Variants in NAV2 observed in about 807,000 individuals in gnomAD.
NAV2 encodes the protein neuron navigator 2.
In NAV2, 54 loss-of-function variants were observed where a neutral mutation model predicts 223.2. That is an observed-to-expected ratio of 0.24 (90% CI 0.19 to 0.30). NAV2 has a LOEUF of 0.30. Among genes scored for constraint, NAV2 ranks in the 10% least tolerant of loss-of-function variants. The probability of loss-of-function intolerance (pLI) is 1.00; values close to 1 mark genes in which losing one functional copy is unlikely to be tolerated. For missense variants in NAV2, 2,806 were observed against 3,147.5 expected (o/e 0.89, Z 2.60); for synonymous variants, 1,279 against 1,239.3 (o/e 1.03, Z -0.67).
intron 1 of NAV2, among the ~76,000 whole-genome samples, chr11:19,707,268 T>C (rs911217467): frequency 6.6e-6 from 1 of 152,268 alleles, no homozygotes; most frequent in Non-Finnish European, 1.5e-5. Context: ...GTAACTTTTT[T>C]ACTTTATAAA....
At chr11:19,592,275 C>T (rs2046082254) in intron 1 of NAV2, among the ~76,000 whole-genome samples, 1 of 152,078 alleles carries the variant, frequency 6.6e-6, no homozygotes, top group Admixed American at 6.5e-5. Context: ...AGCACTCCCA[C>T]CGCTTAATGA....
chr11:19,377,356 G>A (rs1253287118), intron 1 of NAV2, among the ~76,000 whole-genome samples: 1 of 152,136 alleles, frequency 6.6e-6, no homozygotes, highest in African/African-American at 2.4e-5. Context: ...TGCCTGGAAA[G>A]CCTTTGACCA....
chr11:19,446,280 C>T (rs566340801), intron 1 of NAV2, among the ~76,000 whole-genome samples: 1 of 152,232 alleles, frequency 6.6e-6, no homozygotes, highest in South Asian at 2.1e-4. Flanking sequence ...CCTCCCACCA[C>T]CAGAGAATCA....
intron 1 of NAV2, among the ~76,000 whole-genome samples, chr11:19,399,946 C>T (rs150484218): frequency 5.5e-4 from 84 of 152,262 alleles, no homozygotes; most frequent in South Asian, 3.7e-3. Context: ...GAAGTGATGA[C>T]GCTTCAGTTA....
intron 1 of NAV2, among the ~76,000 whole-genome samples, chr11:19,660,175 T>C (rs1834326): frequency 0.87 from 131,847 of 152,094 alleles, 58,210 homozygotes; most frequent in East Asian, 0.95. Flanking sequence ...GGTTCAGTGC[T>C]GCAGAAAATA....
At chr11:19,454,297 C>A (rs1315250124) in intron 1 of NAV2, among the ~76,000 whole-genome samples, 1 of 152,174 alleles carries the variant, frequency 6.6e-6, no homozygotes, top group Non-Finnish European at 1.5e-5. Flanking sequence ...CGCCTGACCT[C>A]ATAGGGTTGG....
chr11:19,674,791 T>C (rs2048670525), intron 1 of NAV2, among the ~76,000 whole-genome samples: 1 of 152,234 alleles, frequency 6.6e-6, no homozygotes. Flanking sequence ...GTTTGACCTC[T>C]GAAATGTACT....
In NAV2 at chr11:20,117,823, G is replaced by A. The variant is rs182434253; in HGVS notation, c.7165-310G>A. ...TATAGAGATCATCATTTTGTTTTCA[G>A]TGCTCTACGTATATTAACTCAATCC... is the stretch of plus-strand genomic sequence containing the variant. On this transcript the variant is annotated intron_variant, in intron 37 of 37. Transcript: ENST00000349880. 5.9e-5 allele frequency among the ~76,000 whole-genome samples: 9 copies of A among 152,308 alleles called. No homozygotes were observed. In the East Asian group the frequency reaches 1.7e-3, roughly 29 times the overall value.
intron 1 of NAV2, among the ~76,000 whole-genome samples, chr11:19,601,194 CT>C (rs1379352200): frequency 5.3e-5 from 8 of 152,218 alleles, no homozygotes; most frequent in Admixed American, 3.9e-4. Flanking sequence ...GAGCTCCTGC[CT>C]GCAAACTTCT....
Position 19,713,279 on chromosome 11 carries a change from G to T in NAV2, c.-417G>T. The T allele has an allele frequency of 2.0e-6, 2 of 1,010,378 alleles. No individual in the cohort carries two copies. The highest frequency in any genetic ancestry group is 1.2e-6 in the Non-Finnish European group (1 of 846,754). The allele number at this position is 1,010,378 out of a possible 1,614,324, so 62.6% of individuals were successfully genotyped here. A position where few individuals can be genotyped will look rare whatever the true frequency, so the allele number is the denominator to read the frequency against. On this transcript the variant is annotated 5_prime_UTR_variant, in exon 1 of 38. Transcript: ENST00000349880. This position sits in a 1 kb window ranked among gnomAD's most constrained non-coding sequence, Gnocchi z 7.2. ...GCCTCCGGAACGGGACTCGTGGGTC[G>T]CCGCCGCCTCTGTCTCTTCCAAAGG... is the stretch of plus-strand genomic sequence containing the variant.
intron 1 of NAV2, among the ~76,000 whole-genome samples, chr11:19,453,605 C>T (rs1006302967): frequency 6.6e-6 from 1 of 152,282 alleles, no homozygotes; most frequent in Non-Finnish European, 1.5e-5. Context: ...TGTGGCCTTG[C>T]CCAAACTGCC....
intron 3 of NAV2, among the ~76,000 whole-genome samples, chr11:19,852,648 A>G (rs2061208388): frequency 6.6e-6 from 1 of 152,252 alleles, no homozygotes; most frequent in Admixed American, 6.5e-5. Flanking sequence ...ATTTAAGCAA[A>G]TGTTAGGAAT....
intron 11 of NAV2, among the ~76,000 whole-genome samples, chr11:20,016,487 CA>C (rs1349188016): frequency 6.6e-6 from 1 of 152,202 alleles, no homozygotes; most frequent in East Asian, 1.9e-4. Context: ...CAGACAATCT[CA>C]ACAATTAACC....
At chr11:20,064,301 C>T (rs768209061) in intron 20 of NAV2, among the ~76,000 whole-genome samples, 1 of 152,130 alleles carries the variant, frequency 6.6e-6, no homozygotes, top group African/African-American at 2.4e-5. Flanking sequence ...CTGGACTAAC[C>T]CCTAGGATAT....
chr11:20,042,365 TTGAG>T (rs1200747780), intron 12 of NAV2, among the ~76,000 whole-genome samples: 1 of 152,204 alleles, frequency 6.6e-6, no homozygotes, highest in Non-Finnish European at 1.5e-5. Context: ...TCATCAAGCT[TTGAG>T]TGAGCTCCTG....
At chr11:19,476,773 T>A (rs1179709239) in intron 1 of NAV2, among the ~76,000 whole-genome samples, 2 of 152,220 alleles carry the variant, frequency 1.3e-5, no homozygotes, top group African/African-American at 4.8e-5. Context: ...TAGTGTTCTC[T>A]TGCTTAGACT....
intron 1 of NAV2, among the ~76,000 whole-genome samples, chr11:19,641,748 C>A (rs1770878968): frequency 6.6e-6 from 1 of 152,106 alleles, no homozygotes; most frequent in African/African-American, 2.4e-5. Context: ...TCAAATGCCC[C>A]TGGCCCCGCC....
chr11:19,581,634 T>C (rs61129808), intron 1 of NAV2, among the ~76,000 whole-genome samples: 1,869 of 152,248 alleles, frequency 0.012, 27 homozygotes, highest in South Asian at 0.04. Flanking sequence ...TTTGTCCTTG[T>C]GATAGTTTGC....
intron 1 of NAV2, among the ~76,000 whole-genome samples, chr11:19,799,489 G>A (rs545103156): frequency 6.8e-6 from 1 of 147,520 alleles, no homozygotes; most frequent in South Asian, 2.1e-4. Context: ...CAGTTGCCCT[G>A]TACAATGAAC....
Sources: allele counts gnomAD v4.1 joint callset (sites outside exome capture counted in the v4.1 genomes callset), GRCh38; gene constraint gnomAD v4.1.1; non-coding constraint Gnocchi (gnomAD v3.1); transcripts MANE v1.5; gene names NCBI Gene and HGNC (gene_info 2026-07-23, HGNC 2026-07-21).